The following GRAMD2B variants were observed in gnomAD, a reference collection of about 807,000 sequenced individuals.
GRAMD2B encodes GRAM domain containing 2B, also known as GRAM domain-containing protein 2B.
In GRAMD2B, 41 loss-of-function variants were observed where a neutral mutation model predicts 59.2. The ratio of observed to expected loss-of-function variants is 0.69; its 90% CI spans 0.54 to 0.90. GRAMD2B has a LOEUF of 0.90. Ranked by LOEUF, GRAMD2B falls within the 40% of genes least tolerant of loss-of-function variation. GRAMD2B has a pLI of 0.00. For missense variants in GRAMD2B, 424 were observed against 500.5 expected, an observed-to-expected ratio of 0.85 and a Z score of 1.46; for synonymous variants, 161 against 182.7, an observed-to-expected ratio of 0.88 and a Z score of 0.96.
chr5:126,367,747 C>A (rs914728966), upstream of GRAMD2B, among the ~76,000 whole-genome samples: 2 of 152,028 alleles, frequency 1.3e-5, no homozygotes, highest in African/African-American at 4.8e-5. Context: ...AGAAGATTTT[C>A]TTTTCTTTTC....
chr5:126,383,681 CA>C (rs1755854931), intron 1 of GRAMD2B, among the ~76,000 whole-genome samples: 1 of 152,166 alleles, frequency 6.6e-6, no homozygotes, highest in Non-Finnish European at 1.5e-5. Context: ...AGTACATATA[CA>C]GCCAGATACA....
intron 10 of GRAMD2B, among the ~76,000 whole-genome samples, chr5:126,485,354 A>G (rs1270421754): frequency 6.6e-6 from 1 of 152,216 alleles, no homozygotes; most frequent in East Asian, 1.9e-4. Flanking sequence ...AAAAAAATAA[A>G]AAATTTTCCA....
chr5:126,423,384 C>T (rs1252610994), upstream of GRAMD2B: 2 of 1,341,304 alleles, frequency 1.5e-6, no homozygotes, highest in East Asian at 3.2e-5. Flanking sequence ...CCCTCCCTCT[C>T]GGCTTTTCCA....
chr5:126,367,533 C>G (rs1466230859), upstream of GRAMD2B, among the ~76,000 whole-genome samples: 1 of 151,990 alleles, frequency 6.6e-6, no homozygotes, highest in Non-Finnish European at 1.5e-5. Flanking sequence ...TCCGCACCTC[C>G]CATCCATCGA....
At chr5:126,379,491 A>G (rs1755480402) in intron 1 of GRAMD2B, among the ~76,000 whole-genome samples, 1 of 152,208 alleles carries the variant, frequency 6.6e-6, no homozygotes, top group Admixed American at 6.5e-5. Context: ...ACTGTTTGCC[A>G]TAGTGGTGGT....
At chr5:126,366,426 C>T (rs995140211), upstream of GRAMD2B, among the ~76,000 whole-genome samples, 1 of 152,216 alleles carries the variant, frequency 6.6e-6, no homozygotes, top group Admixed American at 6.5e-5. Flanking sequence ...TATCATATGA[C>T]TCCACTCAAC....
intron 1 of GRAMD2B, among the ~76,000 whole-genome samples, chr5:126,441,286 A>G (rs1438986250): frequency 6.6e-6 from 1 of 152,214 alleles, no homozygotes; most frequent in African/African-American, 2.4e-5. Flanking sequence ...TAATGTTGTA[A>G]TCATTGTCCC....
chr5:126,447,761 T>C (rs66913756), intron 1 of GRAMD2B, among the ~76,000 whole-genome samples: 41,772 of 151,902 alleles, frequency 0.27, 6,038 homozygotes, highest in African/African-American at 0.37. Flanking sequence ...GAATTGAACC[T>C]TTTTGTGGGG....
chr5:126,373,975 G>A (rs1289750377), intron 1 of GRAMD2B, among the ~76,000 whole-genome samples: 1 of 152,170 alleles, frequency 6.6e-6, no homozygotes, highest in Non-Finnish European at 1.5e-5. Context: ...GTGTCATAAC[G>A]TGACATTCAC....
intron 1 of GRAMD2B, among the ~76,000 whole-genome samples, chr5:126,364,472 C>T (rs534463051): frequency 2.6e-5 from 4 of 152,190 alleles, no homozygotes; most frequent in Non-Finnish European, 5.9e-5. Flanking sequence ...GTTGTAGGAT[C>T]GCTTCCCGCT....
At chr5:126,461,440 A>T (rs1767345462) in intron 1 of GRAMD2B, among the ~76,000 whole-genome samples, 1 of 152,200 alleles carries the variant, frequency 6.6e-6, no homozygotes, top group Non-Finnish European at 1.5e-5. Flanking sequence ...TTTTGTATGT[A>T]TAAATTGTGT....
At chr5:126,375,321 A>T (rs942494231) in intron 1 of GRAMD2B, among the ~76,000 whole-genome samples, 1 of 152,094 alleles carries the variant, frequency 6.6e-6, no homozygotes, top group African/African-American at 2.4e-5. Flanking sequence ...TAATATTGAA[A>T]TAATAAAAAT....
intron 2 of GRAMD2B, 118 bp downstream of exon 2, chr5:126,465,663 C>G: frequency 2.3e-6 from 2 of 877,766 alleles, no homozygotes; most frequent in South Asian, 3.6e-5. Flanking sequence ...ACAAATAATA[C>G]TCCTGAGAAA....
intron 5 of GRAMD2B, among the ~76,000 whole-genome samples, chr5:126,475,206 T>C (rs1018254019): frequency 6.6e-6 from 1 of 152,236 alleles, no homozygotes; most frequent in African/African-American, 2.4e-5. Context: ...CCAGTAAAAT[T>C]AACATGCATG....
chr5:126,409,957 A>AAATAGGGAATCCTTTCCCCT (rs1758626460), intron 1 of GRAMD2B, among the ~76,000 whole-genome samples: 1 of 3,572 alleles, frequency 2.8e-4, no homozygotes, highest in Non-Finnish European at 6.0e-4. Context: ...TCCTTTCCCC[A>AAATAGGGAATCCTTTCCCCT]TTGCTTGTTT....
At chr5:126,466,334 A>G (rs1768390424) in intron 2 of GRAMD2B, 1 of 1,357,328 alleles carries the variant, frequency 7.4e-7, no homozygotes, top group African/African-American at 1.4e-5. Context: ...TTCAGGACCA[A>G]GAGTAAGTCT....
intron 1 of GRAMD2B, among the ~76,000 whole-genome samples, chr5:126,414,249 G>A (rs1036556022): frequency 2.6e-5 from 4 of 151,986 alleles, no homozygotes; most frequent in Non-Finnish European, 5.9e-5. Context: ...TGGGGGCTTC[G>A]GTTTCTATAA....
chr5:126,375,843 T>A (rs1264294226), intron 1 of GRAMD2B, among the ~76,000 whole-genome samples: 1 of 152,196 alleles, frequency 6.6e-6, no homozygotes, highest in Non-Finnish European at 1.5e-5. Flanking sequence ...CTAGTTAAAG[T>A]TTTCCAAGAG....
intron 9 of GRAMD2B, 79 bp from the exon 10 acceptor site, chr5:126,484,323 G>A: frequency 6.7e-7 from 1 of 1,491,834 alleles, no homozygotes; most frequent in East Asian, 2.3e-5. Flanking sequence ...CATGTTAAGG[G>A]ATTGATTTAC....
Sources: gnomAD v4.1 joint callset for allele counts (sites outside exome capture counted in the v4.1 genomes callset) on GRCh38, gnomAD v4.1.1 for gene constraint, MANE v1.5 for transcripts, NCBI Gene and HGNC (gene_info 2026-07-23, HGNC 2026-07-21) for gene names.